The following NELL1 variants were observed in gnomAD, a reference collection of about 807,000 sequenced individuals.
NELL1 encodes the protein neural EGFL like 1.
NELL1 carries 76 observed loss-of-function variants against 107.4 expected under a neutral mutation model. The ratio of observed to expected loss-of-function variants is 0.71; its 90% CI spans 0.59 to 0.86. The LOEUF is 0.86. Among genes scored for constraint, NELL1 ranks in the 40% least tolerant of loss-of-function variants. The pLI is 0.00. For missense variants in NELL1, 1,024 were observed against 1,005.5 expected (o/e 1.02, Z -0.25); for synonymous variants, 353 against 341.2 (o/e 1.03, Z -0.38).
intron 15 of NELL1, among the ~76,000 whole-genome samples, chr11:21,415,721 C>T (rs1852504037): frequency 6.6e-6 from 1 of 151,966 alleles, no homozygotes; most frequent in Non-Finnish European, 1.5e-5. Flanking sequence ...TGTTTCCCTT[C>T]CTTTTGCTTA....
At position 21,343,095 on chromosome 11, in the gene NELL1, C is replaced by T. The variant is rs890891855; in HGVS notation, c.1550-27758C>T. Among the ~76,000 whole-genome samples the T allele has an allele frequency of 9.9e-5, 15 of 152,038 alleles. 1 individual carries two copies. The highest frequency in any genetic ancestry group is 3.6e-4 in the African/African-American group (15 of 41,406). ...TTGGTTTTGTCTCTTGCAATAGATACTGCTCTTTGCACCAAGAAAGCTCTA... is the reference window on the plus strand; with the variant it reads ...TTGGTTTTGTCTCTTGCAATAGATATTGCTCTTTGCACCAAGAAAGCTCTA... On this transcript the variant is annotated intron_variant, in intron 14 of 19. Transcript: ENST00000357134.
At chr11:21,501,571 GA>G (rs1855143214) in intron 15 of NELL1, among the ~76,000 whole-genome samples, 1 of 152,170 alleles carries the variant, frequency 6.6e-6, no homozygotes, top group Non-Finnish European at 1.5e-5. Context: ...ACTGGACAAA[GA>G]AATGTACAAT....
At chr11:20,707,703 A>G (rs1320082263) in intron 2 of NELL1, among the ~76,000 whole-genome samples, 1 of 152,196 alleles carries the variant, frequency 6.6e-6, no homozygotes, top group Non-Finnish European at 1.5e-5. Context: ...AGAACGGCAG[A>G]TGTTGCTGTC....
intron 15 of NELL1, among the ~76,000 whole-genome samples, chr11:21,403,602 T>G: frequency 1.3e-5 from 1 of 75,554 alleles, no homozygotes; most frequent in South Asian, 4.5e-4. Flanking sequence ...CCTCTGTAGC[T>G]CTTCAAAAAA....
intron 12 of NELL1, among the ~76,000 whole-genome samples, chr11:21,016,428 A>C (rs1042335053): frequency 6.6e-6 from 1 of 152,040 alleles, no homozygotes; most frequent in Non-Finnish European, 1.5e-5. Flanking sequence ...AGGGCACCTC[A>C]GGTTTGCCAT....
At chr11:21,102,110 C>T (rs1240256382) in intron 12 of NELL1, among the ~76,000 whole-genome samples, 2 of 152,180 alleles carry the variant, frequency 1.3e-5, no homozygotes, top group Non-Finnish European at 2.9e-5. Flanking sequence ...ACCTCAGCCT[C>T]CCAAAGTGCT....
chr11:20,815,561 G>T (rs1450152233), intron 3 of NELL1, among the ~76,000 whole-genome samples: 3 of 152,134 alleles, frequency 2.0e-5, no homozygotes, highest in African/African-American at 7.2e-5. Flanking sequence ...TTAGACCATT[G>T]TTAGATACAT....
At chr11:20,803,752 A>C (rs528465378) in intron 3 of NELL1, among the ~76,000 whole-genome samples, 2 of 152,254 alleles carry the variant, frequency 1.3e-5, no homozygotes, top group Middle Eastern at 3.4e-3. Context: ...GGGTGTGTCT[A>C]TGAGGGTGTT....
At chr11:21,079,127 T>G (rs1854207490) in intron 12 of NELL1, among the ~76,000 whole-genome samples, 1 of 151,262 alleles carries the variant, frequency 6.6e-6, no homozygotes, top group East Asian at 1.9e-4. Context: ...TCTGTAAAAA[T>G]AGAATTCAAG....
chr11:20,802,223 A>T (rs1315503526), intron 3 of NELL1, among the ~76,000 whole-genome samples: 1 of 152,086 alleles, frequency 6.6e-6, no homozygotes, highest in African/African-American at 2.4e-5. Context: ...TGAATGTGGA[A>T]TGTTTTTCCA....
chr11:21,206,142 G>A (rs1590733211), intron 13 of NELL1, among the ~76,000 whole-genome samples: 1 of 152,220 alleles, frequency 6.6e-6, no homozygotes. Flanking sequence ...CAATTTTGGA[G>A]ATCAGAATCA....
At chr11:21,068,853 G>A (rs905549463) in intron 12 of NELL1, among the ~76,000 whole-genome samples, 1 of 152,172 alleles carries the variant, frequency 6.6e-6, no homozygotes, top group African/African-American at 2.4e-5. Flanking sequence ...CAGGGCCTTG[G>A]AGAGTGCTTA....
chr11:21,047,926 C>T (rs146487178), intron 12 of NELL1, among the ~76,000 whole-genome samples: 2 of 152,272 alleles, frequency 1.3e-5, no homozygotes, highest in East Asian at 1.9e-4. Context: ...AGGTAACCAG[C>T]GCATCACGTA....
chr11:20,927,193 C>T (rs1850515601), intron 7 of NELL1, 115 bp from the exon 8 acceptor site: 1 of 894,080 alleles, frequency 1.1e-6, no homozygotes, highest in African/African-American at 1.7e-5. Context: ...AATCAGTGAA[C>T]TGCTCTGAGC....
chr11:20,715,912 G>C (rs1855239803), intron 2 of NELL1, among the ~76,000 whole-genome samples: 1 of 152,180 alleles, frequency 6.6e-6, no homozygotes, highest in Admixed American at 6.5e-5. Context: ...AGGAGAATTA[G>C]ATCTGTATTG....
At chr11:20,983,188 A>T (rs963924319) in intron 12 of NELL1, among the ~76,000 whole-genome samples, 1 of 152,148 alleles carries the variant, frequency 6.6e-6, no homozygotes, top group African/African-American at 2.4e-5. Flanking sequence ...AACTTAATTC[A>T]CACTCCATTT....
chr11:20,847,721 C>G lies in NELL1; in HGVS notation c.474C>G (p.Ala158=). The change falls in exon 4 of 20, where the codon GCC becomes GCG. Residue 158 remains alanine, a synonymous_variant. Transcript: ENST00000357134. ...ACAAGGTTGCACTGTCAGTTAGCGC[C>G]TCTCATCTCCTGCTCCATGTCGACT... is the stretch of plus-strand genomic sequence containing the variant. ...QWHKVALSVS[A]SHLLLHVDCN... is the part of the protein sequence containing the mutation. 7.4e-6 allele frequency: 12 copies of G among 1,612,936 alleles called. No homozygotes were observed. Among genetic ancestry groups the G allele is most frequent in the Non-Finnish European group, 1.0e-5 (12 of 1,179,458 alleles).
chr11:21,567,176 A>G (rs767675414), intron 17 of NELL1, among the ~76,000 whole-genome samples: 1 of 151,848 alleles, frequency 6.6e-6, no homozygotes, highest in Non-Finnish European at 1.5e-5. Flanking sequence ...ATAGTGTGCC[A>G]TTGGAAGCTG....
At chr11:21,556,909 A>G (rs116318700) in intron 16 of NELL1, among the ~76,000 whole-genome samples, 188 of 151,916 alleles carry the variant, frequency 1.2e-3, no homozygotes, top group African/African-American at 4.4e-3. Context: ...ACTTCGTGTA[A>G]TTTTTCTTTC....
Sources: allele counts gnomAD v4.1 joint callset (sites outside exome capture counted in the v4.1 genomes callset), GRCh38; gene constraint gnomAD v4.1.1; transcripts MANE v1.5; gene names NCBI Gene and HGNC (gene_info 2026-07-23, HGNC 2026-07-21).